Variants in MTFR1 observed in about 807,000 individuals in gnomAD.
The protein encoded by MTFR1 is chondrocyte protein with a poly-proline region.
In MTFR1, 28 loss-of-function variants were observed where a neutral mutation model predicts 38.8. The ratio of observed to expected loss-of-function variants is 0.72; its 90% CI spans 0.53 to 0.99. The LOEUF is 0.99. Among genes scored for constraint, MTFR1 ranks in the 50% least tolerant of loss-of-function variants. The probability of loss-of-function intolerance (pLI) is 0.00; values close to 1 mark genes in which losing one functional copy is unlikely to be tolerated. For missense variants in MTFR1, 358 were observed against 395.5 expected, an observed-to-expected ratio of 0.91 and a Z score of 0.81; for synonymous variants, 145 against 137.0, an observed-to-expected ratio of 1.06 and a Z score of -0.41.
At chr8:65,753,220 G>A (rs953272272) in intron 3 of MTFR1, among the ~76,000 whole-genome samples, 2 of 152,112 alleles carry the variant, frequency 1.3e-5, no homozygotes, top group African/African-American at 4.8e-5. Context: ...TTTTTTAAAA[G>A]TCATTATTGA....
chr8:65,749,424 G>C (rs1585867109), intron 3 of MTFR1, among the ~76,000 whole-genome samples: 4 of 152,206 alleles, frequency 2.6e-5, no homozygotes, highest in Admixed American at 2.6e-4. Context: ...TCATTCCAGT[G>C]AGTAAAATGC....
intron 1 of MTFR1, among the ~76,000 whole-genome samples, chr8:65,652,502 G>A (rs962738921): frequency 2.0e-5 from 3 of 152,178 alleles, no homozygotes; most frequent in Non-Finnish European, 4.4e-5. Flanking sequence ...CCAAGGTGCT[G>A]GGATTACAGG....
chr8:65,658,169 T>C lies in MTFR1; in HGVS notation c.-80-11704T>C, dbSNP rs1433742166. 2.6e-5 allele frequency among the ~76,000 whole-genome samples: 4 copies of C among 152,190 alleles called. No homozygotes were observed. The East Asian group carries it at 5.8e-4, about 22-fold the overall frequency. On this transcript the variant is annotated intron_variant, in intron 1 of 7. Coordinates refer to ENST00000262146, the MANE Select transcript of MTFR1 (RefSeq NM_014637.4). Reference sequence around the variant, plus strand: ...ATGAAAATATAGTTAAATGGCCATTTCCTTGAATAGTTCTCAAAAACCTTC... The same window carrying C: ...ATGAAAATATAGTTAAATGGCCATTCCCTTGAATAGTTCTCAAAAACCTTC...
chr8:65,651,166 G>T (rs971940311), intron 1 of MTFR1, among the ~76,000 whole-genome samples: 2 of 152,176 alleles, frequency 1.3e-5, no homozygotes, highest in Admixed American at 6.5e-5. Flanking sequence ...CTATTGAATT[G>T]TTTGAGCTAC....
chr8:65,648,238 C>G (rs147546224), intron 1 of MTFR1, among the ~76,000 whole-genome samples: 2 of 152,212 alleles, frequency 1.3e-5, no homozygotes, highest in Non-Finnish European at 1.5e-5. Flanking sequence ...AGTATGGTCT[C>G]GATCTCCTGA....
chr8:65,715,028 C>A (rs1287728799), downstream of MTFR1, among the ~76,000 whole-genome samples: 1 of 152,098 alleles, frequency 6.6e-6, no homozygotes, highest in Non-Finnish European at 1.5e-5. Flanking sequence ...ACCTTTTACT[C>A]CTAGAGCAGA....
intron 3 of MTFR1, among the ~76,000 whole-genome samples, chr8:65,683,912 A>T (rs1031522980): frequency 2.0e-5 from 3 of 152,224 alleles, no homozygotes; most frequent in Non-Finnish European, 2.9e-5. Flanking sequence ...TCATTTAGAC[A>T]TGAACTGCTC....
intron 1 of MTFR1, among the ~76,000 whole-genome samples, chr8:65,664,571 T>C (rs568144233): frequency 6.6e-6 from 1 of 152,242 alleles, no homozygotes; most frequent in South Asian, 2.1e-4. Flanking sequence ...TCTGTGTAGG[T>C]TATACCTCAA....
chr8:65,649,987 C>T (rs1809075034), intron 1 of MTFR1, among the ~76,000 whole-genome samples: 1 of 151,966 alleles, frequency 6.6e-6, no homozygotes, highest in Non-Finnish European at 1.5e-5. Context: ...TACAGGCGCC[C>T]ACCACCACGC....
intron 3 of MTFR1, among the ~76,000 whole-genome samples, chr8:65,740,144 G>A (rs1807344317): frequency 7.2e-6 from 1 of 138,580 alleles, no homozygotes; most frequent in South Asian, 2.7e-4. Flanking sequence ...TTCCAGAGTA[G>A]CTGCAGAAAA....
intron 3 of MTFR1, among the ~76,000 whole-genome samples, chr8:65,759,679 C>T (rs1808402134): frequency 6.6e-6 from 1 of 152,148 alleles, no homozygotes; most frequent in Non-Finnish European, 1.5e-5. Context: ...CTTACTCTGT[C>T]ATTTTGAATG....
intron 4 of MTFR1, among the ~76,000 whole-genome samples, chr8:65,698,139 A>C (rs1258250478): frequency 7.0e-6 from 1 of 142,786 alleles, no homozygotes; most frequent in African/African-American, 2.6e-5. Context: ...ATTTGAGTCC[A>C]TGATTTTTTT....
At chr8:65,750,093 A>G (rs1262424761) in intron 3 of MTFR1, among the ~76,000 whole-genome samples, 1 of 152,216 alleles carries the variant, frequency 6.6e-6, no homozygotes, top group Non-Finnish European at 1.5e-5. Flanking sequence ...GTATTTGTAA[A>G]GCACTTTACA....
chr8:65,680,477 C>T (rs945130143), intron 2 of MTFR1, among the ~76,000 whole-genome samples: 2 of 152,150 alleles, frequency 1.3e-5, no homozygotes, highest in African/African-American at 4.8e-5. Context: ...GAACCCCACA[C>T]TGACTCATAC....
intron 3 of MTFR1, among the ~76,000 whole-genome samples, chr8:65,761,090 C>T (rs191545654): frequency 6.6e-6 from 1 of 151,268 alleles, no homozygotes; most frequent in Admixed American, 6.6e-5. Flanking sequence ...GACGGAGTCT[C>T]GCCCTGTGGC....
intron 3 of MTFR1, chr8:65,728,699 G>A (rs987984801): frequency 3.3e-5 from 5 of 152,290 alleles, no homozygotes; most frequent in African/African-American, 9.6e-5. Context: ...ATGGGCATGG[G>A]TGTCTATGTC....
At chr8:65,762,731 C>T (rs1808570559) in intron 3 of MTFR1, among the ~76,000 whole-genome samples, 1 of 151,850 alleles carries the variant, frequency 6.6e-6, no homozygotes, top group South Asian at 2.1e-4. Context: ...TTTAACAAAA[C>T]CAGATTTATT....
chr8:65,774,269 C>T (rs1243638085), downstream of MTFR1, among the ~76,000 whole-genome samples: 1 of 152,064 alleles, frequency 6.6e-6, no homozygotes, highest in African/African-American at 2.4e-5. Context: ...AATCCTCATG[C>T]TAATAAATAT....
chr8:65,674,602 G>T (rs1226162206), intron 2 of MTFR1, among the ~76,000 whole-genome samples: 1 of 152,028 alleles, frequency 6.6e-6, no homozygotes, highest in African/African-American at 2.4e-5. Flanking sequence ...ATAAGAGTGA[G>T]ACCCTGCTTC....
Sources: allele counts gnomAD v4.1 joint callset (sites outside exome capture counted in the v4.1 genomes callset), GRCh38; gene constraint gnomAD v4.1.1; transcripts MANE v1.5; gene names NCBI Gene and HGNC (gene_info 2026-07-23, HGNC 2026-07-21).